The following KCNIP1 variants were observed in gnomAD, a reference collection of about 807,000 sequenced individuals.
The protein encoded by KCNIP1 is potassium voltage-gated channel interacting protein 1.
In KCNIP1, 18 loss-of-function variants were observed where a neutral mutation model predicts 33.0. The ratio of observed to expected loss-of-function variants is 0.55; its 90% CI spans 0.38 to 0.81. The LOEUF is 0.81. Among genes scored for constraint, KCNIP1 ranks in the 30% least tolerant of loss-of-function variants. The pLI is 0.00. For missense variants in KCNIP1, 238 were observed against 271.6 expected, an observed-to-expected ratio of 0.88 and a Z score of 0.87; for synonymous variants, 93 against 98.3, an observed-to-expected ratio of 0.95 and a Z score of 0.32.
At chr5:170,387,211 C>G (rs1292386870) in intron 1 of KCNIP1, among the ~76,000 whole-genome samples, 1 of 152,086 alleles carries the variant, frequency 6.6e-6, no homozygotes, top group African/African-American at 2.4e-5. Context: ...GAAATTTTAG[C>G]CAGATATCAG....
chr5:170,575,585 C>T (rs921206627), intron 1 of KCNIP1, among the ~76,000 whole-genome samples: 2 of 152,194 alleles, frequency 1.3e-5, no homozygotes, highest in Non-Finnish European at 2.9e-5. Flanking sequence ...TGTATGCCTA[C>T]ACTGCTTTTG....
chr5:170,608,911 A>G (rs569196375), intron 1 of KCNIP1, among the ~76,000 whole-genome samples: 1 of 152,330 alleles, frequency 6.6e-6, no homozygotes, highest in South Asian at 2.1e-4. Flanking sequence ...TGGGAAGCAC[A>G]GTCCCGGGCG....
chr5:170,449,767 T>C (rs1377304288), intron 1 of KCNIP1, among the ~76,000 whole-genome samples: 3 of 152,186 alleles, frequency 2.0e-5, no homozygotes, highest in Admixed American at 1.3e-4. Context: ...ATGGGTCAGC[T>C]AATTCCACTC....
chr5:170,544,563 A>AT (rs1206501414), intron 1 of KCNIP1, among the ~76,000 whole-genome samples: 2 of 152,008 alleles, frequency 1.3e-5, no homozygotes, highest in African/African-American at 4.8e-5. Flanking sequence ...TGTTGGGTTT[A>AT]TTTTTAGCAC....
chr5:170,529,355 C>G (rs1755700356), intron 1 of KCNIP1, among the ~76,000 whole-genome samples: 1 of 152,140 alleles, frequency 6.6e-6, no homozygotes, highest in African/African-American at 2.4e-5. Context: ...AGGGCTGGCT[C>G]CCATTGGCCT....
At chr5:170,404,597 C>G (rs886121834) in intron 1 of KCNIP1, among the ~76,000 whole-genome samples, 1 of 152,078 alleles carries the variant, frequency 6.6e-6, no homozygotes, top group Non-Finnish European at 1.5e-5. Flanking sequence ...GCAGGCTAGA[C>G]GAGCCTGTTC....
At chr5:170,586,419 A>G (rs1757991404) in intron 1 of KCNIP1, among the ~76,000 whole-genome samples, 1 of 152,234 alleles carries the variant, frequency 6.6e-6, no homozygotes, top group Admixed American at 6.5e-5. Context: ...GCAAGAATGT[A>G]AAAGCCCTCA....
chr5:170,474,800 G>C (rs951868042), intron 1 of KCNIP1, among the ~76,000 whole-genome samples: 1 of 152,232 alleles, frequency 6.6e-6, no homozygotes, highest in Non-Finnish European at 1.5e-5. Context: ...AGACCTTCAC[G>C]GGGAGTGTGA....
At chr5:170,583,896 T>G (rs1455532219) in intron 1 of KCNIP1, among the ~76,000 whole-genome samples, 3 of 152,230 alleles carry the variant, frequency 2.0e-5, no homozygotes, top group Admixed American at 6.5e-5. Context: ...ATGGGGTTCA[T>G]GTGATACTTT....
At chr5:170,683,490 C>T (rs1009269662) in intron 1 of KCNIP1, among the ~76,000 whole-genome samples, 4 of 152,178 alleles carry the variant, frequency 2.6e-5, no homozygotes, top group African/African-American at 9.7e-5. Flanking sequence ...CTTTACCACA[C>T]ATAGGCTCTT....
intron 1 of KCNIP1, among the ~76,000 whole-genome samples, chr5:170,493,125 G>C (rs961533036): frequency 1.5e-4 from 23 of 152,160 alleles, no homozygotes; most frequent in African/African-American, 5.6e-4. Flanking sequence ...CCCTCCACCA[G>C]TCCCGCCCAC....
chr5:170,374,301 G>A (rs1763929338), intron 1 of KCNIP1, among the ~76,000 whole-genome samples: 1 of 152,200 alleles, frequency 6.6e-6, no homozygotes, highest in Non-Finnish European at 1.5e-5. Context: ...TTAGTGAGGG[G>A]TAGGGAGGGA....
intron 1 of KCNIP1, 141 bp from the exon 2 acceptor site, chr5:170,718,617 A>T: frequency 1.1e-6 from 1 of 893,510 alleles, no homozygotes; most frequent in Non-Finnish European, 1.7e-6. Context: ...GGTTCAAGAT[A>T]GGAAGGCCAT....
At chr5:170,595,277 G>A (rs1758404921) in intron 1 of KCNIP1, among the ~76,000 whole-genome samples, 1 of 152,256 alleles carries the variant, frequency 6.6e-6, no homozygotes, top group Admixed American at 6.5e-5. Context: ...TTTCTGCTCT[G>A]AAGCAGAGTC....
upstream of KCNIP1, chr5:170,503,948 A>C: frequency 4.4e-5 from 14 of 315,622 alleles, no homozygotes; most frequent in South Asian, 1.3e-4. Context: ...CCCACCGTGC[A>C]GCCCTCGCCC....
intron 1 of KCNIP1, among the ~76,000 whole-genome samples, chr5:170,442,558 G>C (rs1317592547): frequency 6.6e-6 from 1 of 152,058 alleles, no homozygotes; most frequent in Non-Finnish European, 1.5e-5. Flanking sequence ...TTCTAGCTCC[G>C]CCCTGCCCTG....
chr5:170,627,904 T>C (rs1233213329), intron 1 of KCNIP1, among the ~76,000 whole-genome samples: 1 of 152,212 alleles, frequency 6.6e-6, no homozygotes, highest in Non-Finnish European at 1.5e-5. Flanking sequence ...ATCAGCAGCA[T>C]GAGAATATCG....
At chr5:170,461,424 T>C (rs1008338960) in intron 1 of KCNIP1, among the ~76,000 whole-genome samples, 2 of 152,066 alleles carry the variant, frequency 1.3e-5, no homozygotes, top group African/African-American at 4.8e-5. Flanking sequence ...TATAAGGCCA[T>C]AGTCACCCAA....
intron 1 of KCNIP1, among the ~76,000 whole-genome samples, chr5:170,616,261 G>A (rs751127898): frequency 6.6e-6 from 1 of 152,164 alleles, no homozygotes; most frequent in African/African-American, 2.4e-5. Flanking sequence ...ACTCATAACT[G>A]TTTTCTTCAT....
Sources: allele counts gnomAD v4.1 joint callset (sites outside exome capture counted in the v4.1 genomes callset), GRCh38; gene constraint gnomAD v4.1.1; transcripts MANE v1.5; gene names NCBI Gene and HGNC (gene_info 2026-07-23, HGNC 2026-07-21).